Variants in HGF observed in about 807,000 individuals in gnomAD.
HGF encodes hepatocyte growth factor.
In HGF, 39 loss-of-function variants were observed where a neutral mutation model predicts 111.6. The observed-to-expected ratio is 0.35, with a 90% CI of 0.27 to 0.46. HGF has a LOEUF of 0.46. Among genes scored for constraint, HGF ranks in the 20% least tolerant of loss-of-function variants. The pLI is 1.00. For missense variants in HGF, 735 were observed against 910.5 expected (o/e 0.81, Z 2.48); for synonymous variants, 285 against 294.8 (o/e 0.97, Z 0.34).
chr7:81,760,033 C>T (rs186113059), intron 2 of HGF, among the ~76,000 whole-genome samples: 3 of 152,154 alleles, frequency 2.0e-5, no homozygotes, highest in Admixed American at 6.5e-5. Context: ...TTCACTCTTT[C>T]TCTCGTTCCA....
intron 8 of HGF, among the ~76,000 whole-genome samples, chr7:81,728,744 C>A (rs5745696): frequency 2.6e-5 from 4 of 152,210 alleles, no homozygotes; most frequent in Admixed American, 2.0e-4. Context: ...TCTCCTATGG[C>A]GGATGGGCCA....
chr7:81,702,853 C>T, intron 17 of HGF, 96 bp from the exon 18 acceptor site: 1 of 1,012,462 alleles, frequency 9.9e-7, no homozygotes, highest in Non-Finnish European at 1.5e-6. Context: ...GAGATATATA[C>T]AGAAAAAGAG....
In HGF at chr7:81,742,746, T is replaced by G. The variant is rs747471739; in HGVS notation, c.865+607A>C. The stretch of plus-strand genomic sequence containing the variant: ...CAGAAAAGCTAGGTAAGGGCCAGCA[T>G]GTAGAAAAATGATTGTATGGACTGC... On this transcript the variant is annotated intron_variant, in intron 7 of 17. Transcript: ENST00000222390. The G allele has an allele frequency of 3.4e-6, 5 of 1,480,402 alleles. No individual in the cohort carries two copies. In the African/African-American group the frequency reaches 7.0e-5, roughly 21 times the overall value. The allele number at this position is 1,480,402 out of a possible 1,614,324, so 91.7% of individuals were successfully genotyped here.
intron 8 of HGF, 120 bp from the exon 9 acceptor site, chr7:81,726,137 T>A: frequency 1.0e-6 from 1 of 983,566 alleles, no homozygotes. Flanking sequence ...TCTAACTTTT[T>A]GGACTCAGAA....
intron 9 of HGF, among the ~76,000 whole-genome samples, 195 bp downstream of exon 9, chr7:81,725,695 G>T (rs930584544): frequency 1.3e-5 from 2 of 152,142 alleles, no homozygotes; most frequent in South Asian, 2.1e-4. Flanking sequence ...GCTGTCAGTA[G>T]CATACACTCA....
chr7:81,756,072 A>C, intron 4 of HGF: 1 of 701,582 alleles, frequency 1.4e-6, no homozygotes, highest in Non-Finnish European at 2.6e-6. Flanking sequence ...CACTGCAAAA[A>C]CAAATCACAG....
intron 8 of HGF, among the ~76,000 whole-genome samples, chr7:81,726,272 T>A (rs1008999702): frequency 6.6e-6 from 1 of 152,282 alleles, no homozygotes; most frequent in South Asian, 2.1e-4. Flanking sequence ...ACATTACTGC[T>A]TCATAAAAGA....
intron 10 of HGF, among the ~76,000 whole-genome samples, chr7:81,719,772 T>C (rs1172169816): frequency 2.6e-5 from 4 of 152,152 alleles, no homozygotes; most frequent in Admixed American, 1.3e-4. Flanking sequence ...GTAAATTAAC[T>C]GAAACAATAT....
At chr7:81,763,405 C>T (rs1789200658) in intron 1 of HGF, among the ~76,000 whole-genome samples, 1 of 152,140 alleles carries the variant, frequency 6.6e-6, no homozygotes, top group Non-Finnish European at 1.5e-5. Context: ...CCTCTCTCCT[C>T]CTTTAGTGCA....
chr7:81,754,908 A>G (rs1788687302), intron 4 of HGF, among the ~76,000 whole-genome samples: 1 of 152,120 alleles, frequency 6.6e-6, no homozygotes, highest in South Asian at 2.1e-4. Context: ...GCATTTATTC[A>G]TATATACACT....
intron 14 of HGF, 148 bp downstream of exon 14, chr7:81,707,142 T>G: frequency 3.2e-6 from 2 of 634,430 alleles, no homozygotes; most frequent in South Asian, 3.7e-5. Flanking sequence ...AAAGTAAGTT[T>G]TGTAAGCCAA....
At chr7:81,747,068 G>A (rs1191009508) in intron 5 of HGF, among the ~76,000 whole-genome samples, 1 of 152,200 alleles carries the variant, frequency 6.6e-6, no homozygotes, top group South Asian at 2.1e-4. Context: ...GCCAGGCACG[G>A]TGGCTCACGC....
chr7:81,741,583 C>CTGTG (rs78641495), intron 7 of HGF, among the ~76,000 whole-genome samples: 2,372 of 140,630 alleles, frequency 0.017, 52 homozygotes, highest in East Asian at 0.089. Flanking sequence ...GTGTGTGTGT[C>CTGTG]TGTGTGTGTG....
chr7:81,716,872 C>T (rs541761378), intron 11 of HGF, among the ~76,000 whole-genome samples: 16 of 152,046 alleles, frequency 1.1e-4, no homozygotes, highest in African/African-American at 3.9e-4. Flanking sequence ...GAGAGCTCTG[C>T]TATATTCAGA....
intron 7 of HGF, among the ~76,000 whole-genome samples, chr7:81,735,489 A>G (rs76635007): frequency 0.02 from 3,097 of 152,214 alleles, 44 homozygotes; most frequent in Non-Finnish European, 0.034. Flanking sequence ...GGAAAACTCA[A>G]AGAAACAATC....
In HGF at chr7:81,722,793, G is replaced by A. The variant is rs536635815; in HGVS notation, c.1169-1946C>T. Among the ~76,000 whole-genome samples the A allele has an allele frequency of 5.5e-5, 6 of 109,480 alleles. No homozygotes were observed. The South Asian group carries it at 1.7e-3, about 31-fold the overall frequency. 71.8% of individuals were successfully genotyped at this position (109,480 alleles called of 152,430 possible). ...CATGCCACTGCAATCCAGCCTGGGC[G>A]ACAGAGCGAGATTCTGTCTCAAAAA... On this transcript the variant is annotated intron_variant, in intron 9 of 17. Coordinates refer to ENST00000222390, the MANE Select transcript of HGF (RefSeq NM_000601.6).
At chr7:81,766,947 C>A (rs1013637818) in intron 1 of HGF, among the ~76,000 whole-genome samples, 4 of 152,216 alleles carry the variant, frequency 2.6e-5, no homozygotes, top group African/African-American at 9.6e-5. Context: ...CACTCACAGA[C>A]AATATTCCCC....
intron 5 of HGF, among the ~76,000 whole-genome samples, chr7:81,745,815 G>A (rs190769247): frequency 3.9e-5 from 6 of 152,274 alleles, no homozygotes; most frequent in Non-Finnish European, 5.9e-5. Context: ...AATGTAATTA[G>A]GTAGGCTCTT....
At chr7:81,751,095 C>T (rs745742385) in intron 5 of HGF, 1 of 969,570 alleles carries the variant, frequency 1.0e-6, no homozygotes, top group Non-Finnish European at 1.2e-6. Context: ...CTAACAGTAG[C>T]CTTTACTTTT....
Sources: allele counts gnomAD v4.1 joint callset (sites outside exome capture counted in the v4.1 genomes callset), GRCh38; gene constraint gnomAD v4.1.1; transcripts MANE v1.5; gene names NCBI Gene and HGNC (gene_info 2026-07-23, HGNC 2026-07-21).